CSMD1: variants seen among roughly 807,000 people sequenced by gnomAD.
CSMD1 encodes CUB and sushi domain-containing protein 1.
Under a neutral mutation model 417.5 loss-of-function variants are expected in CSMD1, and 213 were observed. That is an observed-to-expected ratio of 0.51 (90% CI 0.46 to 0.57). The LOEUF (loss-of-function observed/expected upper bound fraction) is 0.57. CSMD1 is among the 20% of genes least tolerant of loss of function. The pLI, the probability that CSMD1 is intolerant of heterozygous loss-of-function variation, is 0.00. For missense variants in CSMD1, 6,923 were observed against 4,529.7 expected, an observed-to-expected ratio of 1.53 and a Z score of -15.17; for synonymous variants, 2,862 against 1,736.8, an observed-to-expected ratio of 1.65 and a Z score of -16.11.
chr8:3,151,526 C>G lies in CSMD1; in HGVS notation c.5915-13G>C, dbSNP rs765568245. The G allele has an allele frequency of 2.6e-6, 4 of 1,562,150 alleles. No homozygotes were observed. Among genetic ancestry groups the G allele is most frequent in the South Asian group, 1.1e-5 (1 of 88,292 alleles). On this transcript the variant is annotated splice_polypyrimidine_tract_variant and intron_variant, in intron 39 of 69. Transcript: ENST00000635120. ...CCTCCACAGGTTGCTGTTAAGTGGA[C>G]AAGATGTCAGTCCTGCAGGTCCTCA...
chr8:3,813,642 T>G (rs957039397), intron 5 of CSMD1, among the ~76,000 whole-genome samples: 7 of 152,204 alleles, frequency 4.6e-5, no homozygotes, highest in African/African-American at 1.4e-4. Context: ...GAACATATTA[T>G]GTTAATTATA....
intron 37 of CSMD1, among the ~76,000 whole-genome samples, chr8:3,167,939 A>G (rs1820334138): frequency 6.6e-6 from 1 of 152,218 alleles, no homozygotes; most frequent in Non-Finnish European, 1.5e-5. Flanking sequence ...TTAATCAAAT[A>G]CTTAAAACAG....
intron 12 of CSMD1, among the ~76,000 whole-genome samples, chr8:3,457,522 C>T (rs772750829): frequency 4.6e-5 from 7 of 152,204 alleles, no homozygotes; most frequent in Non-Finnish European, 8.8e-5. Flanking sequence ...AAACCGCATG[C>T]CACGCCTGGC....
intron 23 of CSMD1, among the ~76,000 whole-genome samples, chr8:3,319,844 G>A (rs1299150570): frequency 6.6e-6 from 1 of 152,070 alleles, no homozygotes; most frequent in Non-Finnish European, 1.5e-5. Context: ...CTAAATCTCA[G>A]TAATGCTTAT....
chr8:3,997,780 GA>G, intron 5 of CSMD1, 122 bp downstream of exon 5: 2 of 861,472 alleles, frequency 2.3e-6, no homozygotes, highest in Non-Finnish European at 3.5e-6. Context: ...AGAGCAAGGC[GA>G]AAAAAGGAAC....
At chr8:3,918,746 G>C (rs1032510924) in intron 5 of CSMD1, among the ~76,000 whole-genome samples, 1 of 152,072 alleles carries the variant, frequency 6.6e-6, no homozygotes, top group East Asian at 1.9e-4. Context: ...TGGTATTAGA[G>C]ACTATTCTTC....
At chr8:3,762,362 G>A (rs1798054708) in intron 5 of CSMD1, among the ~76,000 whole-genome samples, 1 of 152,156 alleles carries the variant, frequency 6.6e-6, no homozygotes, top group Non-Finnish European at 1.5e-5. Context: ...TCTCAGGGAA[G>A]CCTGCCCTGA....
intron 1 of CSMD1, among the ~76,000 whole-genome samples, chr8:4,736,744 C>T (rs571694110): frequency 6.6e-6 from 1 of 152,134 alleles, no homozygotes; most frequent in African/African-American, 2.4e-5. Flanking sequence ...ATACTGCAAA[C>T]TTTGGAAGCA....
intron 1 of CSMD1, among the ~76,000 whole-genome samples, chr8:4,880,662 G>A (rs1317852433): frequency 6.6e-6 from 1 of 152,052 alleles, no homozygotes; most frequent in Non-Finnish European, 1.5e-5. Context: ...AATCGGAAGT[G>A]GAGACAGAGA....
intron 7 of CSMD1, among the ~76,000 whole-genome samples, chr8:3,651,422 C>G (rs929933468): frequency 1.3e-5 from 2 of 152,106 alleles, no homozygotes; most frequent in African/African-American, 4.8e-5. Context: ...GTACCTCGAA[C>G]TTGCTGAGCA....
intron 2 of CSMD1, among the ~76,000 whole-genome samples, chr8:4,468,461 T>C (rs1259641181): frequency 6.6e-6 from 1 of 152,216 alleles, no homozygotes; most frequent in African/African-American, 2.4e-5. Context: ...AACCTTATGA[T>C]TTAAGCTCTT....
At chr8:3,494,593 T>TAGAC (rs1563092122) in intron 10 of CSMD1, among the ~76,000 whole-genome samples, 11 of 148,514 alleles carry the variant, frequency 7.4e-5, no homozygotes, top group African/African-American at 2.7e-4. Context: ...GATAGATAGA[T>TAGAC]AGATAGATAG....
chr8:3,515,609 C>T (rs1447104422), intron 10 of CSMD1, among the ~76,000 whole-genome samples: 2 of 152,236 alleles, frequency 1.3e-5, no homozygotes, highest in African/African-American at 4.8e-5. Context: ...AAACTTATTA[C>T]TGTGGCACGT....
chr8:4,019,162 C>T (rs886438180), intron 4 of CSMD1, among the ~76,000 whole-genome samples: 1 of 152,142 alleles, frequency 6.6e-6, no homozygotes, highest in South Asian at 2.1e-4. Context: ...GAAAGAAACA[C>T]AAAAAGCAGC....
At chr8:3,794,293 C>T (rs1337449383) in intron 5 of CSMD1, among the ~76,000 whole-genome samples, 1 of 152,064 alleles carries the variant, frequency 6.6e-6, no homozygotes, top group Non-Finnish European at 1.5e-5. Context: ...CTAGGTGTAG[C>T]GACTTCAAAC....
At chr8:4,365,649 G>T (rs1250319676) in intron 3 of CSMD1, among the ~76,000 whole-genome samples, 1 of 152,176 alleles carries the variant, frequency 6.6e-6, no homozygotes, top group East Asian at 1.9e-4. Flanking sequence ...AATTTTAACA[G>T]TTGCTTCCTG....
intron 51 of CSMD1, among the ~76,000 whole-genome samples, chr8:3,021,050 C>A (rs1285289611): frequency 3.9e-5 from 6 of 152,146 alleles, no homozygotes; most frequent in Non-Finnish European, 7.3e-5. Context: ...ATAATTGGAT[C>A]TTGTCTTGAA....
At chr8:3,910,993 T>C (rs73497911) in intron 5 of CSMD1, among the ~76,000 whole-genome samples, 1,886 of 152,306 alleles carry the variant, frequency 0.012, 35 homozygotes, top group African/African-American at 0.043. Flanking sequence ...ACAAGACAGA[T>C]GTGGCCAAGT....
intron 12 of CSMD1, among the ~76,000 whole-genome samples, chr8:3,454,536 T>A (rs1452570512): frequency 6.6e-6 from 1 of 152,190 alleles, no homozygotes; most frequent in East Asian, 1.9e-4. Context: ...AGCATTTGCT[T>A]GTCTGTAAAG....
Sources: gnomAD v4.1 joint callset for allele counts (sites outside exome capture counted in the v4.1 genomes callset) on GRCh38, gnomAD v4.1.1 for gene constraint, MANE v1.5 for transcripts, NCBI Gene and HGNC (gene_info 2026-07-23, HGNC 2026-07-21) for gene names.